FAM89A: variants seen among roughly 807,000 people sequenced by gnomAD.
FAM89A encodes protein FAM89A.
A neutral mutation model predicts 7.1 loss-of-function variants in FAM89A; 10 were observed. The observed-to-expected ratio is 1.40, with a 90% CI of 0.86 to 2.38. The LOEUF is 2.38. FAM89A is among the 30% of genes most tolerant of loss of function. The pLI is 0.00. For missense variants in FAM89A, 276 were observed against 262.8 expected, an observed-to-expected ratio of 1.05 and a Z score of -0.35; for synonymous variants, 157 against 129.3, an observed-to-expected ratio of 1.21 and a Z score of -1.45.
chr1:231,038,414 G>C (rs891915836), intron 1 of FAM89A, among the ~76,000 whole-genome samples: 1 of 152,168 alleles, frequency 6.6e-6, no homozygotes, highest in African/African-American at 2.4e-5. Flanking sequence ...GAGCGGCCCC[G>C]AGGTTTTTCT....
At chr1:231,039,361 G>T (rs532883533) in intron 1 of FAM89A, among the ~76,000 whole-genome samples, 15 of 152,362 alleles carry the variant, frequency 9.8e-5, no homozygotes, top group Admixed American at 4.6e-4. Context: ...CGGGGTGCGC[G>T]TCTGCTTTCG....
intron 1 of FAM89A, chr1:231,022,000 C>T (rs773965410): frequency 2.2e-6 from 3 of 1,336,632 alleles, no homozygotes; most frequent in Admixed American, 1.7e-5. Flanking sequence ...CGGGTACTGT[C>T]GGTTGTCCTA....
At chr1:231,022,029 C>G in intron 1 of FAM89A, 1 of 1,379,234 alleles carries the variant, frequency 7.3e-7, no homozygotes, top group Non-Finnish European at 1.0e-6. Flanking sequence ...GACAGATATT[C>G]AGAGATCGTG....
chr1:231,039,757 G>A (rs1016256717), intron 1 of FAM89A, among the ~76,000 whole-genome samples, 164 bp downstream of exon 1: 3 of 152,148 alleles, frequency 2.0e-5, no homozygotes, highest in Non-Finnish European at 4.4e-5. Context: ...CGGAGCACGC[G>A]AGAAAAATGG....
Position 231,040,094 on chromosome 1 carries a change from C to A in FAM89A, c.118G>T (p.Gly40Cys). ...SLSGLLHSAS[G>C]GGASGGWRHL... ...CGCCAGCCCCCAGACGCGCCGCCGC[C>A]CGACGCCGAGTGCAGCAGCCCGCTC... The change falls in exon 1 of 2, where the codon GGC becomes TGC. Residue 40 changes from glycine to cysteine, a missense_variant. By Grantham distance (159) the Gly-to-Cys change is radical. Coordinates refer to ENST00000366654, the MANE Select transcript of FAM89A (RefSeq NM_198552.3). 1 of 1,439,232 alleles carries A rather than the reference C, an allele frequency of 6.9e-7. No individual in the cohort carries two copies. Among genetic ancestry groups the A allele is most frequent in the Non-Finnish European group, 9.1e-7 (1 of 1,096,994 alleles). 89.2% of individuals were successfully genotyped at this position (1,439,232 alleles called of 1,614,324 possible). A position where few individuals can be genotyped will look rare whatever the true frequency, so the allele number is the denominator to read the frequency against.
chr1:231,037,691 G>A (rs996810685), intron 1 of FAM89A, among the ~76,000 whole-genome samples: 1 of 152,072 alleles, frequency 6.6e-6, no homozygotes, highest in Non-Finnish European at 1.5e-5. Flanking sequence ...CGGTCCACCT[G>A]CCCAGGCCCT....
At chr1:231,027,046 G>C (rs904152927) in intron 1 of FAM89A, 2 of 152,214 alleles carry the variant, frequency 1.3e-5, no homozygotes, top group African/African-American at 2.4e-5. Context: ...CCTGGTATCA[G>C]AGCAGGTCTG....
At chr1:231,039,642 G>A (rs1424360994) in intron 1 of FAM89A, among the ~76,000 whole-genome samples, 1 of 152,144 alleles carries the variant, frequency 6.6e-6, no homozygotes, top group Non-Finnish European at 1.5e-5. Context: ...CAGCGCTTCC[G>A]GGCGCCCAGG....
chr1:231,023,204 C>A (rs1679910123), intron 1 of FAM89A, among the ~76,000 whole-genome samples: 1 of 152,228 alleles, frequency 6.6e-6, no homozygotes, highest in Admixed American at 6.5e-5. Flanking sequence ...TTGGCTTTCT[C>A]ATCCTTCCCA....
At chr1:231,036,991 T>A (rs1470298922) in intron 1 of FAM89A, among the ~76,000 whole-genome samples, 1 of 152,188 alleles carries the variant, frequency 6.6e-6, no homozygotes, top group African/African-American at 2.4e-5. Flanking sequence ...TTATAATATA[T>A]CTTGACTGGG....
intron 1 of FAM89A, among the ~76,000 whole-genome samples, chr1:231,039,071 G>T (rs997816842): frequency 6.6e-6 from 1 of 152,174 alleles, no homozygotes; most frequent in African/African-American, 2.4e-5. Context: ...CCTGGCCTAC[G>T]CCTGGCCGAG....
At position 231,019,819 on chromosome 1, in the gene FAM89A, C is replaced by T; in HGVS notation, c.*44G>A. 6.3e-7 allele frequency: 1 copy of T among 1,588,816 alleles called. No individual in the cohort carries two copies. Among genetic ancestry groups the T allele is most frequent in the Middle Eastern group, 2.1e-4 (1 of 4,860 alleles). ...AAGCAGCAAATGATGACAGCGTGTC[C>T]AGTAGGAAGGGCTTCCCAACAGTCA... On this transcript the variant is annotated 3_prime_UTR_variant, in exon 2 of 2. Transcript: ENST00000366654.
chr1:231,039,983 C>A lies in FAM89A; in HGVS notation c.229G>T (p.Ala77Ser). The part of the protein sequence containing the change: ...GGPGGGGARA[A>S]ALPAKPPNLD... ...TTGGGAGGCTTGGCGGGCAGCGCTG[C>A]CGCCCGGGCCCCGCCGCCGCCCGGG... is the stretch of plus-strand genomic sequence containing the variant. The change falls in exon 1 of 2, where the codon GCA (alanine) becomes TCA (serine). Residue 77 changes from alanine (A) to serine (S), a missense_variant. By Grantham distance (99) the Ala-to-Ser change is moderately conservative. Transcript: ENST00000366654. 7.3e-7 allele frequency: 1 copy of A among 1,377,554 alleles called. No homozygotes were observed. The highest frequency in any genetic ancestry group is 1.7e-5 in the South Asian group (1 of 59,522). The allele number at this position is 1,377,554 out of a possible 1,614,324, so 85.3% of individuals were successfully genotyped here. A position where few individuals can be genotyped will look rare whatever the true frequency, so the allele number is the denominator to read the frequency against.
At chr1:231,022,458 G>C (rs1679895483) in intron 1 of FAM89A, among the ~76,000 whole-genome samples, 1 of 152,164 alleles carries the variant, frequency 6.6e-6, no homozygotes, top group African/African-American at 2.4e-5. Context: ...TTCCAGTCTG[G>C]TTGCAGAACC....
chr1:231,039,352 G>C (rs1006531713), intron 1 of FAM89A, among the ~76,000 whole-genome samples: 3 of 152,228 alleles, frequency 2.0e-5, no homozygotes, highest in Non-Finnish European at 4.4e-5. Context: ...TCCCTCGCCC[G>C]GGGTGCGCGT....
chr1:231,021,872 G>C, intron 1 of FAM89A: 1 of 1,584,808 alleles, frequency 6.3e-7, no homozygotes, highest in Non-Finnish European at 8.7e-7. Flanking sequence ...CCAGGACCAT[G>C]CTGACAGCTG....
intron 1 of FAM89A, among the ~76,000 whole-genome samples, chr1:231,027,550 C>T (rs139269162): frequency 6.6e-6 from 1 of 152,274 alleles, no homozygotes; most frequent in South Asian, 2.1e-4. Context: ...ACCAGAAATC[C>T]TCTAAATCAG....
At chr1:231,021,482 T>A in intron 1 of FAM89A, 2 of 626,750 alleles carry the variant, frequency 3.2e-6, no homozygotes, top group Non-Finnish European at 2.8e-6. Context: ...TCTGTCCCGA[T>A]CCAAATTCTT....
At chr1:231,031,210 G>C (rs1680063154) in intron 1 of FAM89A, among the ~76,000 whole-genome samples, 1 of 152,032 alleles carries the variant, frequency 6.6e-6, no homozygotes, top group Admixed American at 6.6e-5. Flanking sequence ...TCTGCATTTG[G>C]TCCTTTGTGA....
Sources: allele counts gnomAD v4.1 joint callset (sites outside exome capture counted in the v4.1 genomes callset), GRCh38; gene constraint gnomAD v4.1.1; transcripts MANE v1.5; gene names NCBI Gene and HGNC (gene_info 2026-07-23, HGNC 2026-07-21).